FAAH2: variants seen among roughly 807,000 people sequenced by gnomAD.
FAAH2 encodes the protein fatty acid amide hydrolase 2.
In FAAH2, 60 loss-of-function variants were observed where a neutral mutation model predicts 36.9. That is an observed-to-expected ratio of 1.63 (90% CI 1.32 to 2.02). FAAH2 has a LOEUF of 2.02. FAAH2 is among the 30% of genes most tolerant of loss of function. The probability of loss-of-function intolerance (pLI) is 0.00; values close to 1 mark genes in which losing one functional copy is unlikely to be tolerated. For missense variants in FAAH2, 689 were observed against 397.5 expected, an observed-to-expected ratio of 1.73 and a Z score of -6.23; for synonymous variants, 214 against 143.8, an observed-to-expected ratio of 1.49 and a Z score of -3.49.
chrX:57,265,878 G>A, the FAAH2 span, among the ~76,000 whole-genome samples: 5 of 111,619 alleles, frequency 4.5e-5, no homozygotes, highest in African/African-American at 1.6e-4. Flanking sequence ...CCCTGATCCT[G>A]TCCTTCATCA....
At chrX:57,421,288 A>G (rs1487133442) in intron 7 of FAAH2, among the ~76,000 whole-genome samples, 2 of 111,831 alleles carry the variant, frequency 1.8e-5, no homozygotes, top group Non-Finnish European at 3.8e-5. Context: ...TTCTAAAAAT[A>G]CGAAAATTAT....
chrX:57,412,537 G>T (rs1316030055), intron 7 of FAAH2, among the ~76,000 whole-genome samples: 1 of 111,684 alleles, frequency 9.0e-6, no homozygotes, highest in Admixed American at 9.5e-5. Flanking sequence ...CCATCTTCCT[G>T]CAAAGGACAT....
chrX:57,358,179 A>T (rs995350707), intron 5 of FAAH2, among the ~76,000 whole-genome samples: 2 of 109,704 alleles, frequency 1.8e-5, no homozygotes, highest in African/African-American at 6.6e-5. Context: ...AATTTTATTT[A>T]AAAAATTGTA....
chrX:57,414,683 T>G (rs2055792357), intron 7 of FAAH2, among the ~76,000 whole-genome samples: 1 of 111,162 alleles, frequency 9.0e-6, no homozygotes, highest in African/African-American at 3.3e-5. Context: ...TTTTCTTGTT[T>G]TGTTGTCTTT....
intron 5 of FAAH2, among the ~76,000 whole-genome samples, chrX:57,364,009 G>GTTTTTTTTTTTTT: frequency 2.1e-5 from 1 of 46,542 alleles, no homozygotes; most frequent in Non-Finnish European, 3.6e-5. Context: ...GGCCTGTAGG[G>GTTTTTTTTTTTTT]TTTTTTTTTT....
intron 10 of FAAH2, among the ~76,000 whole-genome samples, chrX:57,477,638 G>T (rs5915044): frequency 2.9e-4 from 26 of 88,197 alleles, no homozygotes; most frequent in African/African-American, 8.4e-4. Context: ...ATCCCTCCCC[G>T]CTCCCCCAAC....
At chrX:57,190,973 T>C in the FAAH2 span, among the ~76,000 whole-genome samples, 1 of 111,900 alleles carries the variant, frequency 8.9e-6, no homozygotes, top group Non-Finnish European at 1.9e-5. Context: ...CTTTTTAGTA[T>C]ACTGATGTCC....
intron 3 of FAAH2, among the ~76,000 whole-genome samples, chrX:57,320,219 A>T (rs1220842456): frequency 8.9e-6 from 1 of 112,208 alleles, no homozygotes; most frequent in African/African-American, 3.2e-5. Context: ...AACTATCATC[A>T]TAGTGAACAG....
chrX:57,128,645 G>T, the FAAH2 span, among the ~76,000 whole-genome samples: 1 of 111,317 alleles, frequency 9.0e-6, no homozygotes, highest in African/African-American at 3.3e-5. Context: ...AAGAAAACTG[G>T]CAATACAGGA....
At chrX:57,194,855 G>A in the FAAH2 span, among the ~76,000 whole-genome samples, 8 of 111,362 alleles carry the variant, frequency 7.2e-5, no homozygotes, top group African/African-American at 2.6e-4. Context: ...CCATTCCTGA[G>A]TTACTTTACT....
At chrX:57,186,419 T>C in the FAAH2 span, among the ~76,000 whole-genome samples, 3 of 112,131 alleles carry the variant, frequency 2.7e-5, no homozygotes, top group South Asian at 1.1e-3. Context: ...ATGTTTTTTC[T>C]TCTTGTAAAT....
chrX:57,227,608 T>A, the FAAH2 span, among the ~76,000 whole-genome samples: 1 of 111,619 alleles, frequency 9.0e-6, no homozygotes. Flanking sequence ...TAATGGCCTA[T>A]TTTTGTGCTG....
At chrX:57,233,408 A>T in the FAAH2 span, among the ~76,000 whole-genome samples, 1 of 111,912 alleles carries the variant, frequency 8.9e-6, no homozygotes, top group Non-Finnish European at 1.9e-5. Flanking sequence ...AACTGAATTT[A>T]TAGCTTTACT....
intron 10 of FAAH2, among the ~76,000 whole-genome samples, chrX:57,467,305 C>T (rs750615931): frequency 5.4e-5 from 6 of 110,936 alleles, no homozygotes; most frequent in African/African-American, 1.3e-4. Context: ...GGCAAGGCAT[C>T]GCCTCTCCCA....
At chrX:57,485,258 G>T (rs772448808) in intron 10 of FAAH2, among the ~76,000 whole-genome samples, 5 of 111,585 alleles carry the variant, frequency 4.5e-5, no homozygotes, top group African/African-American at 1.3e-4. Context: ...TGGCCCAGAG[G>T]TGTCAGGGGC....
chrX:57,412,161 G>T (rs193132806), intron 7 of FAAH2, among the ~76,000 whole-genome samples: 1 of 111,475 alleles, frequency 9.0e-6, no homozygotes, highest in East Asian at 2.8e-4. Flanking sequence ...ATACATTGTT[G>T]ATAACTATAG....
chrX:57,161,545 T>C, the FAAH2 span, among the ~76,000 whole-genome samples: 2 of 111,796 alleles, frequency 1.8e-5, no homozygotes, highest in African/African-American at 3.3e-5. Context: ...TGGGTGTGCC[T>C]GTATTGGGTG....
intron 1 of FAAH2, among the ~76,000 whole-genome samples, chrX:57,291,177 C>T (rs2051968293): frequency 9.0e-6 from 1 of 111,341 alleles, no homozygotes; most frequent in African/African-American, 3.3e-5. Flanking sequence ...ACTTTTTACT[C>T]CTTGGTCTGT....
the FAAH2 span, among the ~76,000 whole-genome samples, chrX:57,189,833 G>A: frequency 2.7e-5 from 3 of 112,053 alleles, no homozygotes; most frequent in Admixed American, 2.8e-4. Context: ...AACCCCTCTT[G>A]GGAGGTTTCT....
Sources: gnomAD v4.1 joint callset for allele counts (sites outside exome capture counted in the v4.1 genomes callset) on GRCh38, gnomAD v4.1.1 for gene constraint, MANE v1.5 for transcripts, NCBI Gene and HGNC (gene_info 2026-07-23, HGNC 2026-07-21) for gene names.